NRXN1: variants seen among roughly 807,000 people sequenced by gnomAD.
NRXN1 encodes the protein neurexin-1.
A neutral mutation model predicts 150.9 loss-of-function variants in NRXN1; 39 were observed. The ratio of observed to expected loss-of-function variants is 0.26; its 90% confidence interval spans 0.20 to 0.34. The LOEUF is 0.34. Among genes scored for constraint, NRXN1 ranks in the 10% least tolerant of loss-of-function variants. NRXN1 has a pLI of 1.00. For synonymous variants in NRXN1, 924 were observed against 757.0 expected (o/e 1.22, Z -3.62); for missense variants, 1,815 against 1,949.9 (o/e 0.93, Z 1.30).
intron 5 of NRXN1, among the ~76,000 whole-genome samples, chr2:50,664,641 G>A (rs1687771756): frequency 6.6e-6 from 1 of 151,690 alleles, no homozygotes; most frequent in Non-Finnish European, 1.5e-5. Flanking sequence ...CACTGTCTGG[G>A]CATAGAAAAG....
Position 50,794,471 on chromosome 2 carries a change from G to A in NRXN1, c.832+127398C>T, listed in dbSNP as rs374202710. On this transcript the variant is annotated intron_variant, in intron 5 of 22. Transcript: ENST00000401669. ...CTCAACACATTCAGGCAAAATGATGGTATAATTTCTGTGCTGGGTAGCACT... is the reference window on the plus strand; with the variant it reads ...CTCAACACATTCAGGCAAAATGATGATATAATTTCTGTGCTGGGTAGCACT... Among the ~76,000 whole-genome samples the A allele has an allele frequency of 8.5e-5, 13 of 152,150 alleles. No homozygotes were observed. In the East Asian group the frequency reaches 2.3e-3, roughly 27 times the overall value.
At chr2:50,742,100 A>C (rs1162813541) in intron 5 of NRXN1, among the ~76,000 whole-genome samples, 1 of 152,194 alleles carries the variant, frequency 6.6e-6, no homozygotes, top group African/African-American at 2.4e-5. Flanking sequence ...AATCACTTTA[A>C]ACCACAGGTA....
intron 19 of NRXN1, among the ~76,000 whole-genome samples, chr2:50,086,057 T>C (rs1374394341): frequency 6.6e-6 from 1 of 152,210 alleles, no homozygotes; most frequent in Non-Finnish European, 1.5e-5. Context: ...TGTTGTTTGA[T>C]AAATGAAGGA....
At chr2:50,451,368 T>G (rs1241076868) in intron 17 of NRXN1, among the ~76,000 whole-genome samples, 1 of 152,222 alleles carries the variant, frequency 6.6e-6, no homozygotes, top group Non-Finnish European at 1.5e-5. Flanking sequence ...CATTTTCTAC[T>G]TCACAAAACC....
At chr2:50,782,295 C>T (rs189529597) in intron 5 of NRXN1, among the ~76,000 whole-genome samples, 194 of 152,070 alleles carry the variant, frequency 1.3e-3, no homozygotes, top group African/African-American at 4.4e-3. Context: ...CTGGTGAAAT[C>T]CCATCTCTAC....
chr2:49,934,524 T>G (rs1354387829), intron 22 of NRXN1, among the ~76,000 whole-genome samples: 1 of 152,226 alleles, frequency 6.6e-6, no homozygotes, highest in Non-Finnish European at 1.5e-5. Context: ...CTCAATTTTC[T>G]TTTGTTGGGA....
rs999053404 is a variant in NRXN1 at position 50,621,261 on chromosome 2, AG to A, written c.1135-13del. 5 of 1,563,152 alleles carry A rather than the reference AG, an allele frequency of 3.2e-6. No individual in the cohort carries two copies. In the South Asian group the frequency reaches 4.7e-5, roughly 15 times the overall value. On this transcript the variant is annotated splice_polypyrimidine_tract_variant and intron_variant, in intron 6 of 22. Transcript: ENST00000401669. Reference sequence around the variant, plus strand: ...CCAATGCCTGAGTGCTTTGTGGAGAAGGGGGGAGAAAGGAAATTAAAAACTG... The same window carrying A: ...CCAATGCCTGAGTGCTTTGTGGAGAAGGGGGAGAAAGGAAATTAAAAACTG...
chr2:50,860,591 A>G (rs548398290), intron 5 of NRXN1, among the ~76,000 whole-genome samples: 1 of 152,180 alleles, frequency 6.6e-6, no homozygotes, highest in African/African-American at 2.4e-5. Flanking sequence ...ACCAGCTCTT[A>G]TGGAAAGGAG....
chr2:50,953,025 A>G (rs1020523821), intron 2 of NRXN1, among the ~76,000 whole-genome samples: 13 of 152,176 alleles, frequency 8.5e-5, no homozygotes, highest in Admixed American at 5.9e-4. Flanking sequence ...AAATACTAAG[A>G]GAGAGGAACA....
At chr2:50,313,811 A>G (rs1487061384) in intron 17 of NRXN1, among the ~76,000 whole-genome samples, 1 of 152,108 alleles carries the variant, frequency 6.6e-6, no homozygotes, top group Non-Finnish European at 1.5e-5. Context: ...AGGACACTGG[A>G]GACAAATGTC....
At position 50,346,514 on chromosome 2, in the gene NRXN1, C is replaced by T. The variant is rs1424964542; in HGVS notation, c.3365-109544G>A. On this transcript the variant is annotated intron_variant, in intron 17 of 22. Coordinates refer to ENST00000401669, the MANE Select transcript of NRXN1 (RefSeq NM_001330078.2). This position sits in a 1 kb window ranked among gnomAD's most constrained non-coding sequence, Gnocchi z 5.0. The stretch of plus-strand genomic sequence containing the variant: ...CACCACCAACACCCGCGACGCCTTC[C>T]CCCATCCCCTTTCTATTGTCTTCAA... 6.6e-6 allele frequency among the ~76,000 whole-genome samples: 1 copy of T among 152,044 alleles called. No homozygotes were observed. Among genetic ancestry groups the T allele is most frequent in the East Asian group, 2.0e-4 (1 of 5,126 alleles).
chr2:50,662,810 T>A (rs966280479), intron 5 of NRXN1, among the ~76,000 whole-genome samples: 2 of 151,958 alleles, frequency 1.3e-5, no homozygotes, highest in Non-Finnish European at 2.9e-5. Flanking sequence ...TAATGGTAGC[T>A]TATAAGGAAT....
chr2:50,431,959 C>T (rs922982571), intron 17 of NRXN1, among the ~76,000 whole-genome samples: 5 of 152,174 alleles, frequency 3.3e-5, no homozygotes, highest in African/African-American at 9.7e-5. Flanking sequence ...AGGTGCTTCA[C>T]AAGCATCACT....
chr2:50,898,585 T>A (rs1272703047), intron 5 of NRXN1: 1 of 490,284 alleles, frequency 2.0e-6, no homozygotes, highest in Admixed American at 2.1e-5. Context: ...ATTGTGCTCT[T>A]CCTAGGATTC....
chr2:50,571,855 C>G (rs1670717860), intron 8 of NRXN1, among the ~76,000 whole-genome samples: 3 of 152,048 alleles, frequency 2.0e-5, no homozygotes, highest in Non-Finnish European at 2.9e-5. Context: ...GCTGGGGTGG[C>G]CTTCCTCCCC....
intron 21 of NRXN1, among the ~76,000 whole-genome samples, chr2:50,010,052 A>G (rs1310411330): frequency 6.6e-6 from 1 of 152,140 alleles, no homozygotes; most frequent in African/African-American, 2.4e-5. Context: ...ATACAACTAC[A>G]TCACACAATT....
intron 5 of NRXN1, among the ~76,000 whole-genome samples, chr2:50,654,061 G>A (rs571843057): frequency 2.1e-5 from 3 of 145,634 alleles, no homozygotes; most frequent in African/African-American, 7.7e-5. Context: ...TTAAGTTTTA[G>A]GGTACATGTG....
intron 17 of NRXN1, among the ~76,000 whole-genome samples, chr2:50,281,372 C>G (rs2071440626): frequency 6.6e-6 from 1 of 151,958 alleles, no homozygotes; most frequent in African/African-American, 2.4e-5. Flanking sequence ...AACATCACAA[C>G]TTTGTTCTGT....
intron 18 of NRXN1, among the ~76,000 whole-genome samples, chr2:50,184,980 T>G (rs1267544213): frequency 6.6e-6 from 1 of 152,064 alleles, no homozygotes; most frequent in African/African-American, 2.4e-5. Context: ...GTAGGTGGCC[T>G]CCCCTCTTCA....
Sources: gnomAD v4.1 joint callset for allele counts (sites outside exome capture counted in the v4.1 genomes callset) on GRCh38, gnomAD v4.1.1 for gene constraint, Gnocchi (gnomAD v3.1) non-coding constraint, MANE v1.5 for transcripts, NCBI Gene and HGNC (gene_info 2026-07-23, HGNC 2026-07-21) for gene names.